The following PSMD7 variants were observed in gnomAD, a reference collection of about 807,000 sequenced individuals.
PSMD7 encodes the protein 26S proteasome non-ATPase regulatory subunit 7.
PSMD7 carries 13 observed loss-of-function variants against 36.4 expected under a neutral mutation model. That is an observed-to-expected ratio of 0.36 (90% CI 0.23 to 0.57). The LOEUF is 0.57. PSMD7 is among the 20% of genes least tolerant of loss of function. PSMD7 has a pLI of 0.83. For missense variants in PSMD7, 298 were observed against 393.6 expected (o/e 0.76, Z 2.06); for synonymous variants, 186 against 151.0 (o/e 1.23, Z -1.70).
intron 6 of PSMD7, 89 bp downstream of exon 6, chr16:74,304,483 T>G: frequency 8.5e-7 from 1 of 1,172,756 alleles, no homozygotes; most frequent in South Asian, 1.4e-5. Flanking sequence ...TATGGAGACC[T>G]GGGGTCTCGT....
intron 1 of PSMD7, among the ~76,000 whole-genome samples, chr16:74,298,962 C>T (rs189382644): frequency 8.5e-5 from 13 of 152,184 alleles, no homozygotes; most frequent in Admixed American, 8.5e-4. Context: ...AAACAAAAGC[C>T]CACGAGTATG....
In PSMD7 at chr16:74,305,594, A is replaced by C; in HGVS notation, c.836A>C (p.Lys279Thr). ...GCCCTGCACAACCTCATCAACAACAAGATTGCCAACCGGGATGCAGAGAAG... is the reference window on the plus strand; with the variant it reads ...GCCCTGCACAACCTCATCAACAACACGATTGCCAACCGGGATGCAGAGAAG... ...VVALHNLINN[K>T]IANRDAEKKE... The change falls in exon 7 of 7, where the codon AAG (lysine) becomes ACG (threonine). Residue 279 changes from lysine (K) to threonine (T), a missense_variant. Physicochemically the swap from Lys to Thr is moderately conservative, Grantham distance 78. Coordinates refer to ENST00000219313, the MANE Select transcript of PSMD7 (RefSeq NM_002811.5). 1 of 1,602,708 alleles carries C rather than the reference A, an allele frequency of 6.2e-7. No individual in the cohort carries two copies. Among genetic ancestry groups the C allele is most frequent in the Non-Finnish European group, 8.5e-7 (1 of 1,170,340 alleles).
At position 74,305,627 on chromosome 16, in the gene PSMD7, G is replaced by A; in HGVS notation, c.869G>A (p.Gly290Glu). 2 of 1,591,772 alleles carry A rather than the reference G, an allele frequency of 1.3e-6. No homozygotes were observed. The highest frequency in any genetic ancestry group is 1.7e-6 in the Non-Finnish European group (2 of 1,163,792). Residue 290 changes from glycine to glutamate, a missense_variant, in exon 7 of 7, where the codon GGG becomes GAG. Gly to Glu is a moderately conservative substitution (Grantham distance 98). Coordinates refer to ENST00000219313, the MANE Select transcript of PSMD7 (RefSeq NM_002811.5). ...IANRDAEKKE[G>E]QEKEESKKDR... ...AACCGGGATGCAGAGAAGAAAGAAG[G>A]GCAGGAGAAAGAAGAGAGCAAAAAG... is the stretch of plus-strand genomic sequence containing the variant.
rs928932089 is a variant in PSMD7, at chr16:74,300,024, G to A, written c.75-91G>A. 2.0e-5 allele frequency: 22 copies of A among 1,117,082 alleles called. No homozygotes were observed. The Admixed American group carries it at 3.2e-4, about 16-fold the overall frequency. The allele number at this position is 1,117,082 out of a possible 1,614,324, so 69.2% of individuals were successfully genotyped here. A position where few individuals can be genotyped will look rare whatever the true frequency, so the allele number is the denominator to read the frequency against. On this transcript the variant is annotated intron_variant, in intron 1 of 6. Transcript: ENST00000219313. ...TTCCCAGGTAAACTAAATTGTATCTGTGCCATTGATATTTCCCATTGAGTA... is the reference window on the plus strand; with the variant it reads ...TTCCCAGGTAAACTAAATTGTATCTATGCCATTGATATTTCCCATTGAGTA...
At position 74,304,409 on chromosome 16, in the gene PSMD7, C is replaced by T; in HGVS notation, c.530+15C>T. ...CACTTGTTACGGTGAGACCCTAGTA[C>T]AGCATCAAAATCATTCACTGCCCGA... On this transcript the variant is annotated intron_variant, in intron 6 of 6. Transcript: ENST00000219313. The T allele has an allele frequency of 6.2e-7, 1 of 1,604,252 alleles. No individual in the cohort carries two copies. The highest frequency in any genetic ancestry group is 1.3e-5 in the African/African-American group (1 of 74,790).
At position 74,302,263 on chromosome 16, in the gene PSMD7, G is replaced by C; in HGVS notation, c.409G>C (p.Ala137Pro). Residue 137 changes from alanine to proline, a missense_variant, in exon 5 of 7, where the codon GCG becomes CCG. Physicochemically the swap from Ala to Pro is conservative, Grantham distance 27. Coordinates refer to ENST00000219313, the MANE Select transcript of PSMD7 (RefSeq NM_002811.5). The stretch of plus-strand genomic sequence containing the variant: ...GAAGGACCTAGGGCTGCCTACAGAA[G>C]CGTACATTTCAGTGGAAGAAGTCCA... ...KPKDLGLPTE[A>P]YISVEEVHDD... 1 of 1,614,116 alleles carries C rather than the reference G, an allele frequency of 6.2e-7. No homozygotes were observed. The highest frequency in any genetic ancestry group is 8.5e-7 in the Non-Finnish European group (1 of 1,180,000).
chr16:74,305,851 G>GCT lies in PSMD7; in HGVS notation c.*123_*124dup. 1 of 1,184,550 alleles carries GCT rather than the reference G, an allele frequency of 8.4e-7. No individual in the cohort carries two copies. Among genetic ancestry groups the GCT allele is most frequent in the Non-Finnish European group, 1.1e-6 (1 of 906,646 alleles). The allele number at this position is 1,184,550 out of a possible 1,614,324, so 73.4% of individuals were successfully genotyped here. A position where few individuals can be genotyped will look rare whatever the true frequency, so the allele number is the denominator to read the frequency against. On this transcript the variant is annotated 3_prime_UTR_variant, in exon 7 of 7. Transcript: ENST00000219313. ...TTATTAGAAAGCTGACCCAACAAGA[G>GCT]CTCTCTGCCTCCGGTCACTCTTGCT...
intron 3 of PSMD7, 61 bp from the exon 4 acceptor site, chr16:74,301,494 T>C: frequency 8.0e-7 from 1 of 1,249,776 alleles, no homozygotes; most frequent in South Asian, 1.2e-5. Flanking sequence ...TTATCCTTTT[T>C]GAGGGAGTTG....
intron 1 of PSMD7, among the ~76,000 whole-genome samples, 192 bp from the exon 2 acceptor site, chr16:74,299,923 G>T (rs1304005759): frequency 2.6e-5 from 4 of 152,186 alleles, no homozygotes; most frequent in African/African-American, 9.7e-5. Context: ...GCCAGTGGGT[G>T]TCAGTACCAA....
At position 74,300,223 on chromosome 16, in the gene PSMD7, A is replaced by G. The variant is rs2034145131; in HGVS notation, c.166+17A>G. ...GTTTTGCAGGTAAAAGACAAATTTT[A>G]TGTTTTTCCGAGCATGATTAAAATG... On this transcript the variant is annotated intron_variant, in intron 2 of 6. Transcript: ENST00000219313. 2 of 1,598,336 alleles carry G rather than the reference A, an allele frequency of 1.3e-6. No individual in the cohort carries two copies. The highest frequency in any genetic ancestry group is 1.7e-5 in the Admixed American group (1 of 59,958).
Position 74,305,696 on chromosome 16 carries a change from G to C in PSMD7, c.938G>C (p.Ser313Thr), listed in dbSNP as rs745380682. 3.4e-6 allele frequency: 5 copies of C among 1,477,016 alleles called. No homozygotes were observed. In the East Asian group the frequency reaches 9.3e-5, roughly 27 times the overall value. 91.5% of individuals were successfully genotyped at this position (1,477,016 alleles called of 1,614,324 possible). Reference sequence around the variant, plus strand: ...GAGAAAGATAAAGATAAGGAAAAGAGTGATGTAAAGAAAGAGGAGAAAAAG... The same window carrying C: ...GAGAAAGATAAAGATAAGGAAAAGACTGATGTAAAGAAAGAGGAGAAAAAG... Reference protein sequence around the residue: ...DKEKDKDKEKSDVKKEEKKEK... With the variant: ...DKEKDKDKEKTDVKKEEKKEK... The change falls in exon 7 of 7, where the codon AGT (serine) becomes ACT (threonine). Residue 313 changes from serine (S) to threonine (T), a missense_variant. By Grantham distance (58) the Ser-to-Thr change is moderately conservative. Transcript: ENST00000219313.
Position 74,305,421 on chromosome 16 carries a change from C to T in PSMD7, c.663C>T (p.Pro221=). ...AAAAAGTCGCCACAGGCAAGCTGCC[C>T]ATCAACCACCAGATCATCTACCAGC... ...YLEKVATGKL[P]INHQIIYQLQ... Residue 221 remains proline (P), a synonymous_variant, in exon 7 of 7, where the codon CCC becomes CCT. Coordinates refer to ENST00000219313, the MANE Select transcript of PSMD7 (RefSeq NM_002811.5). 1 of 1,614,190 alleles carries T rather than the reference C, an allele frequency of 6.2e-7. No individual in the cohort carries two copies. Among genetic ancestry groups the T allele is most frequent in the East Asian group, 2.2e-5 (1 of 44,866 alleles).
intron 5 of PSMD7, 189 bp from the exon 6 acceptor site, chr16:74,304,114 C>T (rs1950230956): frequency 1.8e-6 from 1 of 549,030 alleles, no homozygotes; most frequent in Admixed American, 3.1e-5. Context: ...CACTGAGCAG[C>T]ACCACAGTGA....
At position 74,305,307 on chromosome 16, in the gene PSMD7, G is replaced by T. The variant is rs779682835; in HGVS notation, c.549G>T (p.Thr183=). Residue 183 remains threonine (T), a synonymous_variant, in exon 7 of 7, where the codon ACG becomes ACT. Transcript: ENST00000219313. ...ATTACAGAGATATCAAAGACACGACGGTGGGCACTCTGTCCCAGCGGATCA... is the reference window on the plus strand; with the variant it reads ...ATTACAGAGATATCAAAGACACGACTGTGGGCACTCTGTCCCAGCGGATCA... ...EHLLRDIKDT[T]VGTLSQRITN... The T allele has an allele frequency of 1.9e-6, 3 of 1,611,304 alleles. No individual in the cohort carries two copies. Among genetic ancestry groups the T allele is most frequent in the Non-Finnish European group, 2.5e-6 (3 of 1,178,362 alleles).
Position 74,297,007 on chromosome 16 carries a change from G to C in PSMD7, c.74+19G>C. On this transcript the variant is annotated intron_variant, in intron 1 of 6. Transcript: ENST00000219313. ...TCAACCGGTGAGCGAGCGCCCTATA[G>C]CTGGGCCGGCGGCGCAGCCGCTGCT... 3 of 1,606,630 alleles carry C rather than the reference G, an allele frequency of 1.9e-6. No homozygotes were observed. The highest frequency in any genetic ancestry group is 2.5e-6 in the Non-Finnish European group (3 of 1,177,508).
rs1238866019 is a variant in PSMD7 at position 74,300,246 on chromosome 16, A to C, written c.166+40A>C. 4 of 1,541,542 alleles carry C rather than the reference A, an allele frequency of 2.6e-6. No individual in the cohort carries two copies. In the East Asian group the frequency reaches 9.0e-5, roughly 35 times the overall value. On this transcript the variant is annotated intron_variant, in intron 2 of 6. Transcript: ENST00000219313. ...TTATGTTTTTCCGAGCATGATTAAAATGTCAGTTTACCCTTTAAAAATATA... is the reference window on the plus strand; with the variant it reads ...TTATGTTTTTCCGAGCATGATTAAACTGTCAGTTTACCCTTTAAAAATATA...
At chr16:74,303,374 A>G (rs777324398) in intron 5 of PSMD7, among the ~76,000 whole-genome samples, 28 of 152,226 alleles carry the variant, frequency 1.8e-4, no homozygotes, top group Non-Finnish European at 3.5e-4. Context: ...ATTTGAACCC[A>G]GGTAGCCTGG....
Position 74,305,556 on chromosome 16 carries a change from C to A in PSMD7, c.798C>A (p.Ile266=), listed in dbSNP as rs746453875. 2.4e-5 allele frequency: 38 copies of A among 1,613,470 alleles called. No homozygotes were observed. Among genetic ancestry groups the A allele is most frequent in the Non-Finnish European group, 3.2e-5 (38 of 1,179,574 alleles). The change falls in exon 7 of 7, where the codon ATC becomes ATA. Residue 266 remains isoleucine (I), a synonymous_variant. Coordinates refer to ENST00000219313, the MANE Select transcript of PSMD7 (RefSeq NM_002811.5). ...QMVVVYLASL[I]RSVVALHNLI... ...TGGTAGTGTACTTGGCCTCGCTGATCCGTTCCGTGGTCGCCCTGCACAACC... is the reference window on the plus strand; with the variant it reads ...TGGTAGTGTACTTGGCCTCGCTGATACGTTCCGTGGTCGCCCTGCACAACC...
chr16:74,299,016 C>A (rs150891825), intron 1 of PSMD7, among the ~76,000 whole-genome samples: 1 of 150,476 alleles, frequency 6.6e-6, no homozygotes, highest in African/African-American at 2.4e-5. Flanking sequence ...CCCTTACCCC[C>A]CCACCCCCAA....
Sources: allele counts gnomAD v4.1 joint callset (sites outside exome capture counted in the v4.1 genomes callset), GRCh38; gene constraint gnomAD v4.1.1; transcripts MANE v1.5; gene names NCBI Gene and HGNC (gene_info 2026-07-23, HGNC 2026-07-21).